Variants in SLA2 observed in about 807,000 individuals in gnomAD.
SLA2 encodes the protein src-like-adapter 2.
In SLA2, 22 loss-of-function variants were observed where a neutral mutation model predicts 27.3. The observed-to-expected ratio is 0.81, with a 90% confidence interval of 0.58 to 1.15. The LOEUF (loss-of-function observed/expected upper bound fraction) is 1.15. SLA2 is among the 50% of genes most tolerant of loss of function. The pLI, the probability that SLA2 is intolerant of heterozygous loss-of-function variation, is 0.00. For missense variants in SLA2, 304 were observed against 322.2 expected, an observed-to-expected ratio of 0.94 and a Z score of 0.43; for synonymous variants, 131 against 137.8, an observed-to-expected ratio of 0.95 and a Z score of 0.34.
At chr20:36,632,488 G>T in intron 5 of SLA2, 107 bp downstream of exon 5, 1 of 840,070 alleles carries the variant, frequency 1.2e-6, no homozygotes, top group Non-Finnish European at 2.0e-6. Context: ...TGACTGAGAA[G>T]TCAGGCAAAG....
At chr20:36,616,264 C>T (rs926098227) in intron 5 of SLA2, among the ~76,000 whole-genome samples, 2 of 151,438 alleles carry the variant, frequency 1.3e-5, no homozygotes, top group African/African-American at 4.9e-5. Context: ...ATTACATACA[C>T]TGATGAATGA....
chr20:36,615,099 A>G, intron 6 of SLA2, 126 bp downstream of exon 6: 1 of 1,492,906 alleles, frequency 6.7e-7, no homozygotes, highest in Non-Finnish European at 8.9e-7. Context: ...CTGGCGTGAA[A>G]ATAGGGGAGG....
rs745837261 is a variant in SLA2 at position 36,634,530 on chromosome 20, G to C, written c.151C>G (p.Leu51Val). The C allele has an allele frequency of 1.6e-5, 25 of 1,611,530 alleles. No individual in the cohort carries two copies. The Admixed American group carries it at 3.8e-4, about 25-fold the overall frequency. Residue 51 changes from leucine (L) to valine (V), a missense_variant, in exon 3 of 8, where the codon CTG (leucine) becomes GTG (valine). Transcript: ENST00000262866. ...AATGGCTCCCCGAGTCTCAGCGACAGCTCGGCCGGGCCACCTGCCGGGAAA... is the reference window on the plus strand; with the variant it reads ...AATGGCTCCCCGAGTCTCAGCGACACCTCGGCCGGGCCACCTGCCGGGAAA... Reference protein sequence around the residue: ...GSFPAGGPAELSLRLGEPLTI... With the variant: ...GSFPAGGPAEVSLRLGEPLTI...
At position 36,614,431 on chromosome 20, in the gene SLA2, G is replaced by A. The variant is rs776151775; in HGVS notation, c.539C>T (p.Ala180Val). 54 of 1,606,820 alleles carry A rather than the reference G, an allele frequency of 3.4e-5. No homozygotes were observed. The highest frequency in any genetic ancestry group is 4.3e-5 in the Non-Finnish European group (51 of 1,176,196). ...QALVDHYSEL[A>V]DDICCLLKEP... is the part of the protein sequence containing the mutation. ...CTTGAGTAGGCAGCAGATGTCATCC[G>A]CCAGCTCTGAGGAAGAGACCTCCAT... The change falls in exon 7 of 8, where the codon GCG (alanine) becomes GTG (valine). Residue 180 changes from alanine to valine, a missense_variant. Coordinates refer to ENST00000262866, the MANE Select transcript of SLA2 (RefSeq NM_032214.4).
chr20:36,622,986 A>G (rs2039300127), intron 5 of SLA2, among the ~76,000 whole-genome samples: 1 of 152,154 alleles, frequency 6.6e-6, no homozygotes, highest in South Asian at 2.1e-4. Context: ...TCTACAGCTA[A>G]GGCTAGGTGC....
chr20:36,621,684 A>T (rs1248664683), intron 5 of SLA2, among the ~76,000 whole-genome samples: 3 of 151,324 alleles, frequency 2.0e-5, no homozygotes, highest in Non-Finnish European at 3.0e-5. Flanking sequence ...AACAATGAGG[A>T]TAAATGTAAA....
intron 5 of SLA2, among the ~76,000 whole-genome samples, chr20:36,617,315 A>T (rs1220028775): frequency 6.6e-6 from 1 of 151,646 alleles, no homozygotes; most frequent in Non-Finnish European, 1.5e-5. Flanking sequence ...CAGTGAGCCG[A>T]GATCACACCA....
intron 2 of SLA2, among the ~76,000 whole-genome samples, chr20:36,639,424 C>A (rs1024252596): frequency 1.3e-5 from 2 of 151,260 alleles, no homozygotes; most frequent in African/African-American, 4.9e-5. Flanking sequence ...CACACACACA[C>A]AACTATTGGT....
At chr20:36,614,050 C>CA (rs2039175222) in intron 7 of SLA2, 64 bp from the exon 8 acceptor site, 1 of 1,594,434 alleles carries the variant, frequency 6.3e-7, no homozygotes, top group Admixed American at 1.7e-5. Flanking sequence ...TCACTACACA[C>CA]AAAATTGCAC....
At chr20:36,637,931 C>T (rs1293593858) in intron 2 of SLA2, among the ~76,000 whole-genome samples, 13 of 145,930 alleles carry the variant, frequency 8.9e-5, no homozygotes, top group Admixed American at 4.8e-4. Flanking sequence ...CACTGTCGCC[C>T]GGGCTGGACT....
Position 36,634,577 on chromosome 20 carries a change from G to T in SLA2, c.104C>A (p.Ala35Asp). Residue 35 changes from alanine (A) to aspartate (D), a missense_variant, in exon 3 of 8, where the codon GCC (alanine) becomes GAC (aspartate). Transcript: ENST00000262866. ...PVTMEAERSK[A>D]TAVALGSFPA... ...GAAACTGCCCAGGGCCACGGCTGTG[G>T]CCTTGCTTCTCTCTAGATGGAGGGA... 1 of 1,605,470 alleles carries T rather than the reference G, an allele frequency of 6.2e-7. No homozygotes were observed. Among genetic ancestry groups the T allele is most frequent in the Non-Finnish European group, 8.5e-7 (1 of 1,174,578 alleles).
At chr20:36,636,501 A>G (rs2039448830) in intron 2 of SLA2, among the ~76,000 whole-genome samples, 2 of 149,256 alleles carry the variant, frequency 1.3e-5, no homozygotes, top group Non-Finnish European at 1.5e-5. Flanking sequence ...GCTACTCAGG[A>G]GGCTGAAGCA....
chr20:36,623,441 G>A (rs1409093574), intron 5 of SLA2, among the ~76,000 whole-genome samples: 2 of 152,128 alleles, frequency 1.3e-5, no homozygotes, highest in East Asian at 3.9e-4. Context: ...TATATGGATT[G>A]GAAAATAATA....
intron 5 of SLA2, among the ~76,000 whole-genome samples, chr20:36,622,916 G>A (rs544901395): frequency 2.0e-5 from 3 of 152,168 alleles, no homozygotes; most frequent in Non-Finnish European, 4.4e-5. Flanking sequence ...AACATTGTTG[G>A]GGGGGATGAT....
chr20:36,645,898 G>A lies in SLA2; in HGVS notation c.-105C>T, dbSNP rs1420184959. On this transcript the variant is annotated 5_prime_UTR_variant, in exon 1 of 8. Transcript: ENST00000262866. ...TGAGACGCATGCTCTGGCTGGACAG[G>A]TTAGGGCTTTGGGGGCCCTTCTGGA... 1 of 152,322 alleles carries A rather than the reference G, an allele frequency of 6.6e-6. No individual in the cohort carries two copies. The highest frequency in any genetic ancestry group is 1.5e-5 in the Non-Finnish European group (1 of 68,126). 9.4% of individuals were successfully genotyped at this position (152,322 alleles called of 1,614,324 possible).
At chr20:36,622,006 ACT>A (rs1555792157) in intron 5 of SLA2, among the ~76,000 whole-genome samples, 3 of 151,858 alleles carry the variant, frequency 2.0e-5, no homozygotes, top group Non-Finnish European at 4.4e-5. Flanking sequence ...ACAGAGGAAG[ACT>A]CTGTCTCAAT....
chr20:36,641,145 C>A, intron 2 of SLA2, 100 bp downstream of exon 2: 1 of 1,001,442 alleles, frequency 1.0e-6, no homozygotes, highest in South Asian at 1.3e-5. Flanking sequence ...CTCAGCGGTG[C>A]TTACACTGTG....
chr20:36,632,534 G>T, intron 5 of SLA2, 61 bp downstream of exon 5: 2 of 1,326,208 alleles, frequency 1.5e-6, no homozygotes, highest in Non-Finnish European at 2.2e-6. Flanking sequence ...CCATATATCT[G>T]TGGGCTCCTT....
chr20:36,615,466 G>T (rs2039199093), intron 5 of SLA2, 92 bp from the exon 6 acceptor site: 2 of 1,497,576 alleles, frequency 1.3e-6, no homozygotes, highest in Non-Finnish European at 1.8e-6. Flanking sequence ...ACGTGACCAT[G>T]GGGCCCCGGC....
Sources: allele counts gnomAD v4.1 joint callset (sites outside exome capture counted in the v4.1 genomes callset), GRCh38; gene constraint gnomAD v4.1.1; transcripts MANE v1.5; gene names NCBI Gene and HGNC (gene_info 2026-07-23, HGNC 2026-07-21).